Variants in LINGO2 observed in about 807,000 individuals in gnomAD.
LINGO2 encodes the protein leucine rich repeat and Ig domain containing 2, also known as leucine-rich repeat and immunoglobulin-like domain-containing nogo receptor-interacting protein 2.
LINGO2 carries 14 observed loss-of-function variants against 30.6 expected under a neutral mutation model. That is an observed-to-expected ratio of 0.46 (90% CI 0.30 to 0.72). LINGO2 has a LOEUF of 0.72. LINGO2 is among the 30% of genes least tolerant of loss of function. The pLI, the probability that LINGO2 is intolerant of heterozygous loss-of-function variation, is 0.07. For synonymous variants in LINGO2, 317 were observed against 288.5 expected, an observed-to-expected ratio of 1.10 and a Z score of -1.00; for missense variants, 729 against 751.7, an observed-to-expected ratio of 0.97 and a Z score of 0.35.
At chr9:28,678,935 T>A in the LINGO2 span, among the ~76,000 whole-genome samples, 4 of 152,084 alleles carry the variant, frequency 2.6e-5, no homozygotes, top group East Asian at 7.7e-4. Flanking sequence ...ATAGAATAAA[T>A]AATTTTAAAA....
intron 5 of LINGO2, among the ~76,000 whole-genome samples, chr9:27,989,404 T>A (rs1466711910): frequency 2.0e-5 from 3 of 151,802 alleles, no homozygotes; most frequent in African/African-American, 7.3e-5. Context: ...TAGTTTGTGA[T>A]CAAGAAGTAC....
the LINGO2 span, among the ~76,000 whole-genome samples, chr9:28,940,301 T>C: frequency 6.6e-6 from 1 of 152,098 alleles, no homozygotes; most frequent in African/African-American, 2.4e-5. Context: ...AGCCTGGCCT[T>C]CAAAAATGCC....
At chr9:27,992,482 T>C (rs563045582) in intron 5 of LINGO2, among the ~76,000 whole-genome samples, 98 of 152,150 alleles carry the variant, frequency 6.4e-4, no homozygotes, top group South Asian at 3.3e-3. Context: ...TATGGAAATA[T>C]TATCATAGGT....
the LINGO2 span, among the ~76,000 whole-genome samples, chr9:28,868,371 CAG>C: frequency 6.6e-6 from 1 of 152,016 alleles, no homozygotes; most frequent in Non-Finnish European, 1.5e-5. Context: ...TACATTTACT[CAG>C]AGACTACATA....
the LINGO2 span, among the ~76,000 whole-genome samples, chr9:28,753,002 C>A: frequency 6.6e-6 from 1 of 152,036 alleles, no homozygotes; most frequent in Admixed American, 6.6e-5. Flanking sequence ...ACTTCCAGGC[C>A]ACATAGCACT....
chr9:28,026,719 CCT>C (rs1247694717), intron 4 of LINGO2, among the ~76,000 whole-genome samples: 1 of 152,136 alleles, frequency 6.6e-6, no homozygotes, highest in African/African-American at 2.4e-5. Flanking sequence ...TTCCCTCTGC[CCT>C]GTTTCTAGAT....
At chr9:28,634,040 A>C (rs1272674062) in intron 1 of LINGO2, among the ~76,000 whole-genome samples, 1 of 152,204 alleles carries the variant, frequency 6.6e-6, no homozygotes, top group South Asian at 2.1e-4. Flanking sequence ...AAGAACAAGA[A>C]AGAGGCACAA....
chr9:28,939,841 G>A, the LINGO2 span, among the ~76,000 whole-genome samples: 4 of 152,056 alleles, frequency 2.6e-5, no homozygotes, highest in Non-Finnish European at 5.9e-5. Flanking sequence ...CCAAAAGGTG[G>A]TCTTTACCTT....
the LINGO2 span, among the ~76,000 whole-genome samples, chr9:28,925,036 C>G: frequency 6.6e-6 from 1 of 152,010 alleles, no homozygotes; most frequent in Non-Finnish European, 1.5e-5. Context: ...ATTTTTGCCA[C>G]AAAAAAGGTA....
intron 1 of LINGO2, among the ~76,000 whole-genome samples, chr9:28,640,877 G>A (rs529012139): frequency 6.6e-5 from 10 of 152,234 alleles, no homozygotes; most frequent in African/African-American, 1.7e-4. Flanking sequence ...GAGGAGCTAC[G>A]TTCCTTTAGA....
intron 1 of LINGO2, among the ~76,000 whole-genome samples, chr9:28,544,786 T>G (rs1162413726): frequency 1.3e-5 from 2 of 149,588 alleles, no homozygotes; most frequent in African/African-American, 2.4e-5. Flanking sequence ...CTCTACTATA[T>G]TCTATTATTA....
At chr9:28,227,927 A>C (rs866383672) in intron 4 of LINGO2, among the ~76,000 whole-genome samples, 4 of 152,098 alleles carry the variant, frequency 2.6e-5, no homozygotes, top group Non-Finnish European at 4.4e-5. Flanking sequence ...ACTTTGATGA[A>C]TAATACACTA....
At chr9:29,208,324 C>T in the LINGO2 span, among the ~76,000 whole-genome samples, 6 of 152,010 alleles carry the variant, frequency 3.9e-5, no homozygotes, top group Admixed American at 2.6e-4. Flanking sequence ...TTTTTCCTTG[C>T]CGCCTCTTTG....
At chr9:29,176,433 C>T in the LINGO2 span, among the ~76,000 whole-genome samples, 4 of 152,178 alleles carry the variant, frequency 2.6e-5, no homozygotes, top group Non-Finnish European at 5.9e-5. Flanking sequence ...CTTCCTTTGA[C>T]TTTGTTCTCC....
intron 5 of LINGO2, among the ~76,000 whole-genome samples, chr9:27,978,897 G>T (rs999472699): frequency 1.3e-5 from 2 of 151,994 alleles, no homozygotes; most frequent in Non-Finnish European, 2.9e-5. Flanking sequence ...ATATCATTGA[G>T]AACTTACTAT....
At chr9:28,637,053 T>C (rs1827315655) in intron 1 of LINGO2, among the ~76,000 whole-genome samples, 1 of 152,204 alleles carries the variant, frequency 6.6e-6, no homozygotes, top group African/African-American at 2.4e-5. Flanking sequence ...TAGCCAGTTT[T>C]CCCAGCACCA....
intron 5 of LINGO2, among the ~76,000 whole-genome samples, chr9:27,977,042 GAAA>G (rs5897259): frequency 2.3e-4 from 34 of 147,192 alleles, no homozygotes; most frequent in African/African-American, 8.3e-4. Context: ...TAGGTAAATG[GAAA>G]AAAAAAAGAA....
At chr9:28,711,473 A>G in the LINGO2 span, among the ~76,000 whole-genome samples, 1 of 152,154 alleles carries the variant, frequency 6.6e-6, no homozygotes, top group Non-Finnish European at 1.5e-5. Context: ...CATGATCCCT[A>G]TCATTATTCT....
At chr9:28,375,136 A>C (rs1334082264) in intron 2 of LINGO2, among the ~76,000 whole-genome samples, 2 of 96,038 alleles carry the variant, frequency 2.1e-5, no homozygotes, top group Admixed American at 1.1e-4. Flanking sequence ...ACACACACAT[A>C]CACCCCACAC....
Sources: allele counts gnomAD v4.1 joint callset (sites outside exome capture counted in the v4.1 genomes callset), GRCh38; gene constraint gnomAD v4.1.1; transcripts MANE v1.5; gene names NCBI Gene and HGNC (gene_info 2026-07-23, HGNC 2026-07-21).